TMC7: variants seen among roughly 807,000 people sequenced by gnomAD.
TMC7 encodes the protein transmembrane channel-like protein 7.
In TMC7, 54 loss-of-function variants were observed where a neutral mutation model predicts 82.9. The ratio of observed to expected loss-of-function variants is 0.65; its 90% CI spans 0.52 to 0.82. The LOEUF is 0.82. Among genes scored for constraint, TMC7 ranks in the 40% least tolerant of loss-of-function variants. TMC7 has a pLI of 0.00. For missense variants in TMC7, 820 were observed against 901.2 expected, an observed-to-expected ratio of 0.91 and a Z score of 1.15; for synonymous variants, 350 against 337.9, an observed-to-expected ratio of 1.04 and a Z score of -0.39.
intron 1 of TMC7, among the ~76,000 whole-genome samples, chr16:18,998,964 C>T (rs748265667): frequency 2.5e-4 from 38 of 152,224 alleles, no homozygotes; most frequent in African/African-American, 2.6e-4. Context: ...CTAGCAGATC[C>T]GGGAGGCTAC....
At chr16:19,025,638 AC>A (rs1353898880) in intron 5 of TMC7, among the ~76,000 whole-genome samples, 1 of 151,854 alleles carries the variant, frequency 6.6e-6, no homozygotes, top group Non-Finnish European at 1.5e-5. Flanking sequence ...ACAAAACAAA[AC>A]AAAAAACAAA....
rs772191656 is a variant in TMC7 at position 19,051,848 on chromosome 16, A to T, written c.1871+32A>T. 3.7e-6 allele frequency: 6 copies of T among 1,611,394 alleles called. 1 individual carries two copies. The South Asian group carries it at 6.6e-5, about 18-fold the overall frequency. ...GTGACTTTGTTTTCTAGAACATTTCATTGCTTCTTGACCTCTTCCTCTTTT... is the reference window on the plus strand; with the variant it reads ...GTGACTTTGTTTTCTAGAACATTTCTTTGCTTCTTGACCTCTTCCTCTTTT... On this transcript the variant is annotated intron_variant, in intron 13 of 15. Transcript: ENST00000304381.
chr16:19,045,097 G>A, intron 10 of TMC7, 96 bp downstream of exon 10: 2 of 1,042,184 alleles, frequency 1.9e-6, no homozygotes, highest in Non-Finnish European at 3.0e-6. Context: ...GGTTTGAACT[G>A]CATTTGCTTC....
intron 3 of TMC7, among the ~76,000 whole-genome samples, chr16:19,019,661 T>C (rs1267284732): frequency 6.6e-6 from 1 of 151,966 alleles, no homozygotes. Context: ...AGATGTAGAG[T>C]CCAAGGTTTT....
Position 19,020,853 on chromosome 16 carries a change from AAAATAAATAAATAAAT to A in TMC7, c.461-752_461-737del, listed in dbSNP as rs144614183. ...GGCAACAGAGTGAGACATGGTGTCA[AAAATAAATAAATAAAT>A]AAATAAATAAATAAATAAATAAAAG... On this transcript the variant is annotated intron_variant, in intron 3 of 15. Transcript: ENST00000304381. Among the ~76,000 whole-genome samples, 31 of 142,568 alleles carry A rather than the reference AAAATAAATAAATAAAT, an allele frequency of 2.2e-4. No individual in the cohort carries two copies. The Middle Eastern group carries it at 0.011, about 49-fold the overall frequency. The allele number at this position is 142,568 out of a possible 152,430, so 93.5% of individuals were successfully genotyped here.
At chr16:18,991,929 TC>T (rs776068512) in intron 1 of TMC7, among the ~76,000 whole-genome samples, 31 of 152,236 alleles carry the variant, frequency 2.0e-4, no homozygotes, top group Non-Finnish European at 3.7e-4. Context: ...CATGAACTCA[TC>T]CTTTTTTGTG....
At chr16:19,014,308 C>G (rs559514080) in intron 2 of TMC7, among the ~76,000 whole-genome samples, 1 of 152,238 alleles carries the variant, frequency 6.6e-6, no homozygotes, top group African/African-American at 2.4e-5. Context: ...TTGTGACAAT[C>G]AAAGATGTCC....
chr16:18,993,478 T>G (rs2038986010), intron 1 of TMC7, among the ~76,000 whole-genome samples: 1 of 152,094 alleles, frequency 6.6e-6, no homozygotes, highest in Non-Finnish European at 1.5e-5. Context: ...GGTGGAAACT[T>G]CAGTAGAAGA....
chr16:19,000,573 G>A (rs1168183027), intron 1 of TMC7, among the ~76,000 whole-genome samples: 1 of 152,202 alleles, frequency 6.6e-6, no homozygotes, highest in Non-Finnish European at 1.5e-5. Flanking sequence ...ATCAAATTGT[G>A]TGTGCATGCA....
intron 1 of TMC7, chr16:18,984,490 T>C (rs2038808731): frequency 9.3e-7 from 1 of 1,070,562 alleles, no homozygotes; most frequent in Non-Finnish European, 1.1e-6. Context: ...TGGTATGAGG[T>C]GCCTGCCTCC....
At position 19,056,568 on chromosome 16, in the gene TMC7, C is replaced by CT; in HGVS notation, c.1898_1899insT (p.Phe634ValfsTer73). The CT allele has an allele frequency of 6.2e-7, 1 of 1,614,018 alleles. No individual in the cohort carries two copies. Among genetic ancestry groups the CT allele is most frequent in the Non-Finnish European group, 8.5e-7 (1 of 1,179,974 alleles). On this transcript the variant is annotated frameshift_variant, in exon 14 of 16. Coordinates refer to ENST00000304381, the MANE Select transcript of TMC7 (RefSeq NM_024847.4). LOFTEE classifies it high-confidence loss of function. ...ATCCCTTCCTCGAAAGCCTGTGGGC[C>CT]GTTCACCAACTTCAACACCACCTGG...
At chr16:19,036,236 G>A (rs994100378) in intron 7 of TMC7, among the ~76,000 whole-genome samples, 2 of 152,290 alleles carry the variant, frequency 1.3e-5, no homozygotes, top group South Asian at 2.1e-4. Flanking sequence ...CAGACCGGGC[G>A]TGGTGGCTTA....
intron 1 of TMC7, among the ~76,000 whole-genome samples, chr16:18,991,840 G>T (rs1394465201): frequency 4.6e-5 from 7 of 152,074 alleles, no homozygotes; most frequent in Non-Finnish European, 2.9e-5. Flanking sequence ...GCGGTGTTTG[G>T]TTTTTTGTCC....
At chr16:19,041,576 T>C (rs1348517658) in intron 9 of TMC7, among the ~76,000 whole-genome samples, 1 of 152,154 alleles carries the variant, frequency 6.6e-6, no homozygotes, top group African/African-American at 2.4e-5. Flanking sequence ...TTCACCATGT[T>C]GGCCAGGCTG....
intron 1 of TMC7, among the ~76,000 whole-genome samples, chr16:18,999,332 GGCCAGT>G (rs2039100755): frequency 6.6e-6 from 1 of 152,178 alleles, no homozygotes; most frequent in Non-Finnish European, 1.5e-5. Context: ...AGTCCCATGT[GGCCAGT>G]GGCCACTGTA....
At chr16:19,003,325 A>G (rs1280275653) in intron 1 of TMC7, among the ~76,000 whole-genome samples, 1 of 152,220 alleles carries the variant, frequency 6.6e-6, no homozygotes, top group African/African-American at 2.4e-5. Context: ...AAAAAAATAA[A>G]AAATACCAGG....
chr16:19,030,481 G>A, intron 6 of TMC7, 112 bp downstream of exon 6: 3 of 1,270,942 alleles, frequency 2.4e-6, no homozygotes, highest in South Asian at 3.3e-5. Context: ...CCAATGATGG[G>A]TTTTGTGGGG....
intron 15 of TMC7, chr16:19,059,974 C>T (rs895408206): frequency 2.0e-4 from 63 of 314,884 alleles, no homozygotes; most frequent in African/African-American, 1.3e-3. Flanking sequence ...GAGACTCCAT[C>T]TTAAAAATAA....
chr16:18,994,861 C>A (rs561475523), intron 1 of TMC7, among the ~76,000 whole-genome samples: 1 of 152,020 alleles, frequency 6.6e-6, no homozygotes, highest in Non-Finnish European at 1.5e-5. Context: ...CCTTTTAAAG[C>A]GTGCTGTGAG....
Sources: gnomAD v4.1 joint callset for allele counts (sites outside exome capture counted in the v4.1 genomes callset) on GRCh38, gnomAD v4.1.1 for gene constraint, MANE v1.5 for transcripts, NCBI Gene and HGNC (gene_info 2026-07-23, HGNC 2026-07-21) for gene names.